Variants in MAGI2 observed in about 807,000 individuals in gnomAD.
MAGI2 encodes membrane-associated guanylate kinase, WW and PDZ domain-containing protein 2.
In MAGI2, 35 loss-of-function variants were observed where a neutral mutation model predicts 133.3. The observed-to-expected ratio is 0.26, with a 90% CI of 0.20 to 0.35. The LOEUF (loss-of-function observed/expected upper bound fraction) is 0.35, where lower values mean the gene tolerates loss of function less well. MAGI2 is among the 10% of genes least tolerant of loss of function. MAGI2 has a pLI of 1.00. For synonymous variants in MAGI2, 729 were observed against 710.6 expected (o/e 1.03, Z -0.41); for missense variants, 1,636 against 1,863.4 (o/e 0.88, Z 2.25).
chr7:79,027,910 T>C (rs1225830327), intron 1 of MAGI2, among the ~76,000 whole-genome samples: 1 of 152,080 alleles, frequency 6.6e-6, no homozygotes, highest in East Asian at 1.9e-4. Flanking sequence ...TGGATTTTTA[T>C]TGCTTTGGCA....
chr7:78,859,345 T>C (rs918116659), intron 2 of MAGI2, among the ~76,000 whole-genome samples: 1 of 152,150 alleles, frequency 6.6e-6, no homozygotes, highest in African/African-American at 2.4e-5. Context: ...CGATGGTCTT[T>C]ACAATTTGGC....
At chr7:78,966,157 TA>T (rs1458154951) in intron 2 of MAGI2, among the ~76,000 whole-genome samples, 2 of 152,086 alleles carry the variant, frequency 1.3e-5, no homozygotes, top group Non-Finnish European at 2.9e-5. Flanking sequence ...AAAGCAAATA[TA>T]AAACTTAATT....
chr7:79,199,820 A>G (rs947837070), intron 1 of MAGI2, among the ~76,000 whole-genome samples: 2 of 151,918 alleles, frequency 1.3e-5, no homozygotes, highest in Non-Finnish European at 2.9e-5. Context: ...CAAGACATGC[A>G]AAGATTTTGG....
chr7:79,195,637 A>C (rs1265953725), intron 1 of MAGI2, among the ~76,000 whole-genome samples: 1 of 151,890 alleles, frequency 6.6e-6, no homozygotes, highest in Non-Finnish European at 1.5e-5. Flanking sequence ...TCTGCCCAGC[A>C]ATGGAGAGTC....
At chr7:79,352,357 A>T (rs1394335703) in intron 1 of MAGI2, among the ~76,000 whole-genome samples, 3 of 152,198 alleles carry the variant, frequency 2.0e-5, no homozygotes, top group Non-Finnish European at 4.4e-5. Flanking sequence ...CACTTTGAAA[A>T]CATTCTCTCT....
At chr7:78,098,355 T>G (rs1817902160) in intron 20 of MAGI2, among the ~76,000 whole-genome samples, 1 of 152,166 alleles carries the variant, frequency 6.6e-6, no homozygotes, top group Non-Finnish European at 1.5e-5. Context: ...GCATTACATA[T>G]GTGATTCTGC....
intron 1 of MAGI2, among the ~76,000 whole-genome samples, chr7:79,322,025 G>T (rs1839220984): frequency 6.6e-6 from 1 of 152,134 alleles, no homozygotes; most frequent in South Asian, 2.1e-4. Context: ...GAAGAAGTCT[G>T]CAGAGGGGAC....
intron 2 of MAGI2, among the ~76,000 whole-genome samples, chr7:78,725,386 A>G (rs1820670331): frequency 6.6e-6 from 1 of 152,228 alleles, no homozygotes; most frequent in Non-Finnish European, 1.5e-5. Context: ...TTTCCTTTCT[A>G]AACCTTCCAT....
intron 1 of MAGI2, among the ~76,000 whole-genome samples, chr7:79,132,337 ACT>A (rs1360168957): frequency 1.3e-5 from 2 of 151,792 alleles, no homozygotes; most frequent in Non-Finnish European, 2.9e-5. Flanking sequence ...CCATTATATC[ACT>A]CTGTGTGACT....
intron 7 of MAGI2, among the ~76,000 whole-genome samples, chr7:78,355,596 A>G (rs1791992265): frequency 6.6e-6 from 1 of 152,242 alleles, no homozygotes; most frequent in Admixed American, 6.5e-5. Flanking sequence ...GCAGATGCAC[A>G]AACAAAGCCT....
At chr7:78,849,129 T>G (rs1463285948) in intron 2 of MAGI2, among the ~76,000 whole-genome samples, 1 of 152,066 alleles carries the variant, frequency 6.6e-6, no homozygotes, top group Non-Finnish European at 1.5e-5. Flanking sequence ...TATTGTAAAC[T>G]TCCTACACAT....
intron 9 of MAGI2, among the ~76,000 whole-genome samples, chr7:78,324,997 A>T (rs968083156): frequency 1.1e-4 from 16 of 152,196 alleles, no homozygotes; most frequent in Admixed American, 3.9e-4. Flanking sequence ...AAATAAAATA[A>T]AACAATGAAT....
intron 2 of MAGI2, among the ~76,000 whole-genome samples, chr7:78,667,837 A>G (rs1415561222): frequency 2.0e-5 from 3 of 152,146 alleles, no homozygotes; most frequent in South Asian, 2.1e-4. Flanking sequence ...TGTGAATAGT[A>G]CCGCAATAAA....
intron 2 of MAGI2, among the ~76,000 whole-genome samples, chr7:78,652,805 G>A (rs1290785620): frequency 2.6e-5 from 4 of 152,124 alleles, no homozygotes; most frequent in Non-Finnish European, 5.9e-5. Context: ...AAACTAAAGA[G>A]CTTCTGCACA....
At chr7:78,731,699 A>G (rs1017449137) in intron 2 of MAGI2, among the ~76,000 whole-genome samples, 1 of 152,176 alleles carries the variant, frequency 6.6e-6, no homozygotes, top group Non-Finnish European at 1.5e-5. Context: ...TCCACTCTTC[A>G]GTATCCAATT....
chr7:78,497,715 A>G (rs1402647438), intron 5 of MAGI2, among the ~76,000 whole-genome samples: 1 of 99,536 alleles, frequency 1.0e-5, no homozygotes, highest in African/African-American at 3.5e-5. Context: ...CTATTCAGAA[A>G]TAACTATTCT....
At chr7:79,433,306 C>T (rs995267312) in intron 1 of MAGI2, among the ~76,000 whole-genome samples, 6 of 152,146 alleles carry the variant, frequency 3.9e-5, no homozygotes, top group African/African-American at 1.4e-4. Context: ...AATCCCAGCA[C>T]TTTGGGAGGC....
intron 15 of MAGI2, among the ~76,000 whole-genome samples, chr7:78,166,551 C>G (rs914179060): frequency 6.6e-6 from 1 of 152,198 alleles, no homozygotes; most frequent in African/African-American, 2.4e-5. Flanking sequence ...AGATATATAG[C>G]AGTCTCTACT....
intron 1 of MAGI2, among the ~76,000 whole-genome samples, chr7:79,153,983 T>C (rs1246735045): frequency 6.6e-6 from 1 of 152,218 alleles, no homozygotes; most frequent in African/African-American, 2.4e-5. Context: ...GCCAATGGCT[T>C]CTATCAATTA....
Sources: allele counts gnomAD v4.1 joint callset (sites outside exome capture counted in the v4.1 genomes callset), GRCh38; gene constraint gnomAD v4.1.1; transcripts MANE v1.5; gene names NCBI Gene and HGNC (gene_info 2026-07-23, HGNC 2026-07-21).